Variants in PXMP4 observed in about 807,000 individuals in gnomAD.
PXMP4 encodes the protein peroxisomal membrane protein 4.
In PXMP4, 16 loss-of-function variants were observed where a neutral mutation model predicts 21.6. The observed-to-expected ratio is 0.74, with a 90% CI of 0.50 to 1.13. The LOEUF is 1.13. Among genes scored for constraint, PXMP4 ranks in the 50% most tolerant of loss-of-function variants. The pLI is 0.00. For missense variants in PXMP4, 240 were observed against 277.7 expected, an observed-to-expected ratio of 0.86 and a Z score of 0.96; for synonymous variants, 127 against 123.8, an observed-to-expected ratio of 1.03 and a Z score of -0.17.
At chr20:33,710,784 T>C in intron 2 of PXMP4, 31 bp from the exon 3 acceptor site, 1 of 1,554,704 alleles carries the variant, frequency 6.4e-7, no homozygotes, top group South Asian at 1.2e-5. Context: ...CTGCCATGAG[T>C]GCAGGCTCAG....
intron 2 of PXMP4, 95 bp from the exon 3 acceptor site, chr20:33,710,848 T>A: frequency 8.1e-7 from 1 of 1,237,872 alleles, no homozygotes; most frequent in Non-Finnish European, 1.1e-6. Context: ...GCCAAGGAGC[T>A]CGGAGTAATG....
In PXMP4 at chr20:33,710,670, C is replaced by G; in HGVS notation, c.260G>C (p.Gly87Ala). The G allele has an allele frequency of 6.2e-7, 1 of 1,613,902 alleles. No individual in the cohort carries two copies. Residue 87 changes from glycine to alanine, a missense_variant, in exon 3 of 4, where the codon GGT (glycine) becomes GCT (alanine). By Grantham distance (60) the Gly-to-Ala change is moderately conservative. Coordinates refer to ENST00000409299, the MANE Select transcript of PXMP4 (RefSeq NM_007238.5). The stretch of plus-strand genomic sequence containing the variant: ...TATGTAGGACTGCAGGGCACGGAGA[C>G]CCTTGTAGGTGAACACAAACCGTGC... ...NLARFVFTYK[G>A]LRALQSYIQG...
intron 1 of PXMP4, among the ~76,000 whole-genome samples, chr20:33,719,518 G>A (rs1317614462): frequency 2.0e-5 from 3 of 152,198 alleles, no homozygotes; most frequent in Non-Finnish European, 4.4e-5. Context: ...CTAGGCACCA[G>A]CCAGGGCAAT....
chr20:33,709,413 G>A (rs967057229), intron 3 of PXMP4, among the ~76,000 whole-genome samples: 2 of 152,188 alleles, frequency 1.3e-5, no homozygotes, highest in African/African-American at 2.4e-5. Flanking sequence ...ATGAGAGACA[G>A]TTTTTAGAGT....
In PXMP4 at chr20:33,715,265, C is replaced by CT. The variant is rs2018371341; in HGVS notation, c.114-530_114-529insA. 2.0e-5 allele frequency among the ~76,000 whole-genome samples: 3 copies of CT among 152,256 alleles called. No homozygotes were observed. The South Asian group carries it at 6.2e-4, about 32-fold the overall frequency. On this transcript the variant is annotated intron_variant, in intron 1 of 3. Transcript: ENST00000409299. Reference sequence around the variant, plus strand: ...AAGCAATTCTCCTGTCTCAGCCTCCCAAGTAGCTGGGATTACAGGCGCCAG... The same window carrying CT: ...AAGCAATTCTCCTGTCTCAGCCTCCCTAAGTAGCTGGGATTACAGGCGCCAG...
rs754340200 is a variant in PXMP4 at position 33,720,076 on chromosome 20, G to C, written c.113+19C>G. 213 of 1,610,062 alleles carry C rather than the reference G, an allele frequency of 1.3e-4. No homozygotes were observed. The highest frequency in any genetic ancestry group is 1.5e-4 in the Non-Finnish European group (181 of 1,177,138). On this transcript the variant is annotated intron_variant, in intron 1 of 3. Transcript: ENST00000409299. ...CAGGACATCCCTCAGCCCCAGCCCG[G>C]CCCGACGGCCCCACTCACACAGCCC...
Position 33,720,246 on chromosome 20 carries a change from A to G in PXMP4, c.-39T>C. On this transcript the variant is annotated 5_prime_UTR_variant, in exon 1 of 4. Coordinates refer to ENST00000409299, the MANE Select transcript of PXMP4 (RefSeq NM_007238.5). ...CGCAGGGTCGGGGTTAGGAACTGTAAGCGCACTGACAGCCGGAGGTTCCAG... is the reference window on the plus strand; with the variant it reads ...CGCAGGGTCGGGGTTAGGAACTGTAGGCGCACTGACAGCCGGAGGTTCCAG... 1 of 1,557,846 alleles carries G rather than the reference A, an allele frequency of 6.4e-7. No homozygotes were observed. Among genetic ancestry groups the G allele is most frequent in the Non-Finnish European group, 8.7e-7 (1 of 1,143,996 alleles).
chr20:33,709,347 CA>C (rs1768059383), intron 3 of PXMP4, among the ~76,000 whole-genome samples: 1 of 152,170 alleles, frequency 6.6e-6, no homozygotes, highest in Admixed American at 6.5e-5. Context: ...GTCTCTTATT[CA>C]TCATCATTTC....
At chr20:33,720,041 T>G in intron 1 of PXMP4, 54 bp downstream of exon 1, 2 of 1,560,106 alleles carry the variant, frequency 1.3e-6, no homozygotes, top group Non-Finnish European at 1.8e-6. Flanking sequence ...CTCGCGCCTC[T>G]GACCCCAGGC....
At chr20:33,717,673 A>C (rs1291689820) in intron 1 of PXMP4, among the ~76,000 whole-genome samples, 1 of 150,966 alleles carries the variant, frequency 6.6e-6, no homozygotes, top group African/African-American at 2.5e-5. Context: ...TAAATATTTT[A>C]AATGTTACAT....
chr20:33,704,990 GTTTTTTTTT>G lies in PXMP4; in HGVS notation c.*2707_*2715del, dbSNP rs869175381. 4 of 105,376 alleles carry G rather than the reference GTTTTTTTTT, an allele frequency of 3.8e-5. No homozygotes were observed. Among genetic ancestry groups the G allele is most frequent in the Admixed American group, 2.1e-4 (2 of 9,646 alleles). The allele number at this position is 105,376 out of a possible 1,614,324, so 6.5% of individuals were successfully genotyped here. A position where few individuals can be genotyped will look rare whatever the true frequency, so the allele number is the denominator to read the frequency against. ...ACTTGTTTGATTTGTCCAGGATTGT[GTTTTTTTTT>G]TTTTTTTTTTTTTTGAGACAGAGTC... On this transcript the variant is annotated 3_prime_UTR_variant, in exon 4 of 4. Transcript: ENST00000409299.
At chr20:33,718,738 T>C (rs2018413309) in intron 1 of PXMP4, among the ~76,000 whole-genome samples, 1 of 152,082 alleles carries the variant, frequency 6.6e-6, no homozygotes, top group African/African-American at 2.4e-5. Flanking sequence ...TGGGTCTACC[T>C]CTGAGCTACA....
In PXMP4 at chr20:33,707,607, G is replaced by T; in HGVS notation, c.*99C>A. On this transcript the variant is annotated 3_prime_UTR_variant, in exon 4 of 4. Coordinates refer to ENST00000409299, the MANE Select transcript of PXMP4 (RefSeq NM_007238.5). Reference sequence around the variant, plus strand: ...CAAACGGAACCCTGGGATAACACCAGTTGGAGTCTGAGGCCTATGATCTTG... The same window carrying T: ...CAAACGGAACCCTGGGATAACACCATTTGGAGTCTGAGGCCTATGATCTTG... 1 of 1,468,020 alleles carries T rather than the reference G, an allele frequency of 6.8e-7. No homozygotes were observed. The highest frequency in any genetic ancestry group is 9.2e-7 in the Non-Finnish European group (1 of 1,081,260). The allele number at this position is 1,468,020 out of a possible 1,614,324, so 90.9% of individuals were successfully genotyped here.
chr20:33,713,290 C>G (rs2018350663), intron 2 of PXMP4, among the ~76,000 whole-genome samples: 1 of 152,170 alleles, frequency 6.6e-6, no homozygotes, highest in South Asian at 2.1e-4. Context: ...CAAGCAGGAT[C>G]CTATCTCAAG....
chr20:33,710,608 C>A lies in PXMP4; in HGVS notation c.322G>T (p.Ala108Ser), dbSNP rs770101498. 1.2e-6 allele frequency: 2 copies of A among 1,613,672 alleles called. No individual in the cohort carries two copies. Among genetic ancestry groups the A allele is most frequent in the African/African-American group, 2.7e-5 (2 of 74,812 alleles). The change falls in exon 3 of 4, where the codon GCC becomes TCC. Residue 108 changes from alanine (A) to serine (S), a missense_variant. Coordinates refer to ENST00000409299, the MANE Select transcript of PXMP4 (RefSeq NM_007238.5). ...AACACCAGGATACCCCCGAGGAAGG[C>A]CGCCAGGAATGCGTGTGCTGGGTAG... Reference protein sequence around the residue: ...KTYPAHAFLAAFLGGILVFGE... With the variant: ...KTYPAHAFLASFLGGILVFGE...
At position 33,703,285 on chromosome 20, in the gene PXMP4, G is replaced by A. The variant is rs2018223727; in HGVS notation, c.*4421C>T. ...CATTTGGATGCTCTTAGAAATAACA[G>A]CATTTATTGGGGACTCACTTTAACT... is the stretch of plus-strand genomic sequence containing the variant. On this transcript the variant is annotated 3_prime_UTR_variant, in exon 4 of 4. Transcript: ENST00000409299. The A allele has an allele frequency of 6.6e-6, 1 of 152,212 alleles. No individual in the cohort carries two copies. The highest frequency in any genetic ancestry group is 6.5e-5 in the Admixed American group (1 of 15,276). 9.4% of individuals were successfully genotyped at this position (152,212 alleles called of 1,614,324 possible).
At chr20:33,718,227 A>C (rs986325301) in intron 1 of PXMP4, among the ~76,000 whole-genome samples, 2 of 152,086 alleles carry the variant, frequency 1.3e-5, no homozygotes, top group African/African-American at 4.8e-5. Context: ...ACCTGTGTCC[A>C]AGGCTGGGTG....
intron 2 of PXMP4, 25 bp from the exon 3 acceptor site, chr20:33,710,778 C>A: frequency 6.4e-7 from 1 of 1,569,590 alleles, no homozygotes; most frequent in South Asian, 1.2e-5. Flanking sequence ...GTGCCCCTGC[C>A]ATGAGTGCAG....
Position 33,703,700 on chromosome 20 carries a change from G to C in PXMP4, c.*4006C>G, listed in dbSNP as rs913789204. ...GAGTCAGTGTGGAGCACGCACCTCTGAGTTATCCCACCCGAGGGGTGAGGG... is the reference window on the plus strand; with the variant it reads ...GAGTCAGTGTGGAGCACGCACCTCTCAGTTATCCCACCCGAGGGGTGAGGG... On this transcript the variant is annotated 3_prime_UTR_variant, in exon 4 of 4. Coordinates refer to ENST00000409299, the MANE Select transcript of PXMP4 (RefSeq NM_007238.5). 1 of 152,474 alleles carries C rather than the reference G, an allele frequency of 6.6e-6. No homozygotes were observed. The highest frequency in any genetic ancestry group is 1.5e-5 in the Non-Finnish European group (1 of 68,188). The allele number at this position is 152,474 out of a possible 1,614,324, so 9.4% of individuals were successfully genotyped here.
Sources: gnomAD v4.1 joint callset for allele counts (sites outside exome capture counted in the v4.1 genomes callset) on GRCh38, gnomAD v4.1.1 for gene constraint, MANE v1.5 for transcripts, NCBI Gene and HGNC (gene_info 2026-07-23, HGNC 2026-07-21) for gene names.